The following SYNE1 variants were observed in gnomAD, a reference collection of about 807,000 sequenced individuals.
SYNE1 encodes the protein spectrin repeat containing nuclear envelope protein 1.
Under a neutral mutation model 1,111.0 loss-of-function variants are expected in SYNE1, and 616 were observed. The ratio of observed to expected loss-of-function variants is 0.55; its 90% CI spans 0.52 to 0.59. The LOEUF (loss-of-function observed/expected upper bound fraction) is 0.59, where lower values mean the gene tolerates loss of function less well. Ranked by LOEUF, SYNE1 falls within the 20% of genes least tolerant of loss-of-function variation. The pLI is 0.00. For synonymous variants in SYNE1, 3,855 were observed against 3,825.8 expected (o/e 1.01, Z -0.28); for missense variants, 10,006 against 10,417.0 (o/e 0.96, Z 1.72).
intron 59 of SYNE1, among the ~76,000 whole-genome samples, chr6:152,371,272 T>G (rs774000588): frequency 5.9e-5 from 9 of 152,000 alleles, no homozygotes; most frequent in Non-Finnish European, 7.4e-5. Context: ...CCCATGTTGC[T>G]GTTCTCATGA....
At chr6:152,312,043 C>A (rs1226414336) in intron 87 of SYNE1, among the ~76,000 whole-genome samples, 1 of 152,132 alleles carries the variant, frequency 6.6e-6, no homozygotes, top group South Asian at 2.1e-4. Flanking sequence ...CTTGGCCTCC[C>A]AAAATGCTGG....
intron 3 of SYNE1, among the ~76,000 whole-genome samples, chr6:152,551,880 G>A (rs563196320): frequency 1.3e-5 from 2 of 152,306 alleles, no homozygotes; most frequent in South Asian, 4.1e-4. Flanking sequence ...GCTGAGGCTG[G>A]ACAAACTTGC....
At chr6:152,414,240 C>T (rs949853220) in intron 41 of SYNE1, among the ~76,000 whole-genome samples, 5 of 151,580 alleles carry the variant, frequency 3.3e-5, no homozygotes, top group African/African-American at 7.3e-5. Context: ...CCTATTTCTA[C>T]AAAAAATTAA....
At chr6:152,352,521 G>A (rs1482197203) in intron 69 of SYNE1, among the ~76,000 whole-genome samples, 168 bp from the exon 70 acceptor site, 1 of 151,878 alleles carries the variant, frequency 6.6e-6, no homozygotes, top group African/African-American at 2.4e-5. Flanking sequence ...TCCTGCCTCA[G>A]CCTCCAAAGT....
rs10601350 is a variant in SYNE1 at position 152,568,289 on chromosome 6, C to CTTT, written c.68-28271_68-28269dup. ...AGTTAAATTTTTATTTTATTTTATT[C>CTTT]TTTTTTTTTTTTTTTTTTTTTTTTT... On this transcript the variant is annotated intron_variant, in intron 3 of 145. Coordinates refer to ENST00000367255, the MANE Select transcript of SYNE1 (RefSeq NM_182961.4). Among the ~76,000 whole-genome samples the CTTT allele has an allele frequency of 4.7e-3, 378 of 80,266 alleles. 4 individuals carry two copies. Among genetic ancestry groups the CTTT allele is most frequent in the East Asian group, 5.9e-3 (13 of 2,220 alleles). 52.7% of individuals were successfully genotyped at this position (80,266 alleles called of 152,430 possible). A position where few individuals can be genotyped will look rare whatever the true frequency, so the allele number is the denominator to read the frequency against.
intron 105 of SYNE1, among the ~76,000 whole-genome samples, chr6:152,248,512 T>C (rs2088109022): frequency 6.6e-6 from 1 of 151,978 alleles, no homozygotes; most frequent in Non-Finnish European, 1.5e-5. Context: ...TACAGGTAAC[T>C]AGTTTATAGA....
rs149796402 is a variant in SYNE1 at position 152,506,329 on chromosome 6, C to T, written c.582-932G>A. 4.6e-5 allele frequency among the ~76,000 whole-genome samples: 7 copies of T among 152,112 alleles called. No homozygotes were observed. The East Asian group carries it at 5.8e-4, about 13-fold the overall frequency. On this transcript the variant is annotated intron_variant, in intron 8 of 145. Coordinates refer to ENST00000367255, the MANE Select transcript of SYNE1 (RefSeq NM_182961.4). ...AGTGGAGGGCCTGCAAATATGATCA[C>T]TTAACTAGGGAACATTCAATGGATA...
At chr6:152,368,929 G>T (rs369223024) in intron 61 of SYNE1, 43 bp downstream of exon 61, 1 of 1,613,358 alleles carries the variant, frequency 6.2e-7, no homozygotes, top group African/African-American at 1.3e-5. Context: ...CCAATTTTGC[G>T]ACATCAGTAT....
Position 152,391,577 on chromosome 6 carries a change from AAGG to A in SYNE1, c.7713-12_7713-10del, listed in dbSNP as rs1159606677. On this transcript the variant is annotated splice_polypyrimidine_tract_variant and intron_variant, in intron 51 of 145. Coordinates refer to ENST00000367255, the MANE Select transcript of SYNE1 (RefSeq NM_182961.4). ...GCTTATCAAGAGACTCTCTGAAAAA[AAGG>A]AAAAAAAAAAAAAAGAAAAAAAATT... 1 of 1,568,596 alleles carries A rather than the reference AAGG, an allele frequency of 6.4e-7. No individual in the cohort carries two copies. The highest frequency in any genetic ancestry group is 2.3e-5 in the East Asian group (1 of 42,614).
At chr6:152,593,834 G>GA (rs536970483) in intron 3 of SYNE1, among the ~76,000 whole-genome samples, 13 of 152,074 alleles carry the variant, frequency 8.5e-5, no homozygotes, top group Non-Finnish European at 1.8e-4. Flanking sequence ...ACAGGGTTGT[G>GA]AAAATCGTAT....
chr6:152,451,152 C>A lies in SYNE1; in HGVS notation c.3081G>T (p.Glu1027Asp). 1.2e-6 allele frequency: 2 copies of A among 1,614,114 alleles called. No individual in the cohort carries two copies. Among genetic ancestry groups the A allele is most frequent in the Non-Finnish European group, 1.7e-6 (2 of 1,180,014 alleles). Residue 1027 changes from glutamate to aspartate, a missense_variant, in exon 26 of 146, where the codon GAG (glutamate) becomes GAT (aspartate). By Grantham distance (45) the Glu-to-Asp change is conservative. Around this residue, in one of 7 missense-constraint regions of SYNE1, gnomAD observed 1,971 missense variants for 2,084.1 expected, o/e 0.95. Coordinates refer to ENST00000367255, the MANE Select transcript of SYNE1 (RefSeq NM_182961.4). ...YHLLHLKIDV[E>D]KNRFLASVEE... Reference sequence around the variant, plus strand: ...CTACAGAGGCTAAGAACCTATTCTTCTCCACATCAATCTTCAGATGAAGCA... The same window carrying A: ...CTACAGAGGCTAAGAACCTATTCTTATCCACATCAATCTTCAGATGAAGCA...
chr6:152,629,399 T>A (rs1345045552), intron 2 of SYNE1, among the ~76,000 whole-genome samples: 1 of 150,698 alleles, frequency 6.6e-6, no homozygotes, highest in Non-Finnish European at 1.5e-5. Context: ...AGAGACGGGG[T>A]TTCACCATGT....
intron 95 of SYNE1, among the ~76,000 whole-genome samples, chr6:152,291,507 C>T (rs1462770387): frequency 6.6e-6 from 1 of 152,136 alleles, no homozygotes; most frequent in Non-Finnish European, 1.5e-5. Context: ...TGAGTTGTCT[C>T]CATTAAATCC....
intron 55 of SYNE1, among the ~76,000 whole-genome samples, chr6:152,384,534 C>T (rs973586548): frequency 2.0e-5 from 3 of 152,154 alleles, no homozygotes; most frequent in Non-Finnish European, 2.9e-5. Context: ...TTAAAACATA[C>T]ATAGTCATAA....
chr6:152,517,317 A>G (rs1387074736), intron 6 of SYNE1, among the ~76,000 whole-genome samples: 1 of 152,254 alleles, frequency 6.6e-6, no homozygotes, highest in Non-Finnish European at 1.5e-5. Context: ...ATCTCCATTT[A>G]TAAAACTAGT....
chr6:152,187,493 C>T (rs1187489307), intron 128 of SYNE1, among the ~76,000 whole-genome samples: 1 of 152,058 alleles, frequency 6.6e-6, no homozygotes, highest in Non-Finnish European at 1.5e-5. Context: ...GACATAAGAG[C>T]CCCCTCTCAA....
rs759894274 is a variant in SYNE1 at position 152,416,708 on chromosome 6, T to C, written c.5729A>G (p.Asn1910Ser). The C allele has an allele frequency of 6.8e-6, 11 of 1,614,110 alleles. No homozygotes were observed. Among genetic ancestry groups the C allele is most frequent in the African/African-American group, 2.7e-5 (2 of 74,950 alleles). ...TGCTTTAGCATTTTGAAGAGCATCATTGAGGTCCTTTTCTATCAAATCAGA... is the reference window on the plus strand; with the variant it reads ...TGCTTTAGCATTTTGAAGAGCATCACTGAGGTCCTTTTCTATCAAATCAGA... ...NESDLIEKDLNDALQNAKALE... is the reference protein window; with the variant it reads ...NESDLIEKDLSDALQNAKALE... Residue 1910 changes from asparagine to serine, a missense_variant, in exon 41 of 146, where the codon AAT becomes AGT. Asn to Ser is a conservative substitution (Grantham distance 46, BLOSUM62 1). Around this residue, in one of 7 missense-constraint regions of SYNE1, gnomAD observed 4,955 missense variants for 5,017.2 expected, o/e 0.99. Coordinates refer to ENST00000367255, the MANE Select transcript of SYNE1 (RefSeq NM_182961.4).
chr6:152,145,353 C>T (rs965967851), intron 137 of SYNE1: 2 of 817,400 alleles, frequency 2.4e-6, no homozygotes, highest in Non-Finnish European at 4.2e-6. Flanking sequence ...TTTTCTAGTA[C>T]AGCAGTAAGA....
At chr6:152,486,225 A>C (rs1053345106) in intron 12 of SYNE1, among the ~76,000 whole-genome samples, 62 of 152,246 alleles carry the variant, frequency 4.1e-4, no homozygotes, top group Non-Finnish European at 6.3e-4. Context: ...AAAACAACAA[A>C]AAAATAAATT....
Sources: allele counts gnomAD v4.1 joint callset (sites outside exome capture counted in the v4.1 genomes callset), GRCh38; gene constraint gnomAD v4.1.1; regional missense constraint gnomAD v4.1.1; transcripts MANE v1.5; gene names NCBI Gene and HGNC (gene_info 2026-07-23, HGNC 2026-07-21).